The following CFAP299 variants were observed in gnomAD, a reference collection of about 807,000 sequenced individuals.
CFAP299 encodes the protein cilia- and flagella-associated protein 299.
In CFAP299, 21 loss-of-function variants were observed where a neutral mutation model predicts 27.0. The ratio of observed to expected loss-of-function variants is 0.78; its 90% CI spans 0.55 to 1.12. The LOEUF is 1.12. Among genes scored for constraint, CFAP299 ranks in the 50% most tolerant of loss-of-function variants. The pLI is 0.00. For missense variants in CFAP299, 310 were observed against 276.6 expected (o/e 1.12, Z -0.86); for synonymous variants, 104 against 98.1 (o/e 1.06, Z -0.36).
chr4:80,721,061 T>G (rs137862018), intron 3 of CFAP299, among the ~76,000 whole-genome samples: 4 of 152,052 alleles, frequency 2.6e-5, no homozygotes, highest in African/African-American at 9.7e-5. Context: ...CTTCAAAAAT[T>G]AAACACAGAA....
intron 3 of CFAP299, among the ~76,000 whole-genome samples, chr4:80,640,673 T>C (rs1739680688): frequency 6.6e-6 from 1 of 152,216 alleles, no homozygotes; most frequent in Admixed American, 6.5e-5. Context: ...AGGTATTACC[T>C]ATCATATTCA....
intron 3 of CFAP299, among the ~76,000 whole-genome samples, chr4:80,817,592 A>G (rs1227510122): frequency 6.6e-6 from 1 of 152,074 alleles, no homozygotes; most frequent in Non-Finnish European, 1.5e-5. Context: ...AATTTGTTTA[A>G]TTCCATTAGA....
intron 4 of CFAP299, among the ~76,000 whole-genome samples, chr4:80,929,719 A>T (rs978011859): frequency 6.6e-6 from 1 of 152,150 alleles, no homozygotes; most frequent in Admixed American, 6.6e-5. Context: ...ACCCATTGCC[A>T]GGATGGACCA....
upstream of CFAP299, among the ~76,000 whole-genome samples, chr4:80,332,091 A>G (rs1225263236): frequency 6.6e-6 from 1 of 152,252 alleles, no homozygotes; most frequent in East Asian, 1.9e-4. Flanking sequence ...GAGTGGTCAC[A>G]GGGTCAAATG....
chr4:80,352,798 A>G (rs1046458797), intron 1 of CFAP299, among the ~76,000 whole-genome samples: 1 of 152,144 alleles, frequency 6.6e-6, no homozygotes, highest in Non-Finnish European at 1.5e-5. Context: ...GATAATAAAC[A>G]ACATAGTTCT....
At chr4:80,417,505 G>A (rs111644070) in intron 2 of CFAP299, among the ~76,000 whole-genome samples, 1 of 152,110 alleles carries the variant, frequency 6.6e-6, no homozygotes, top group Non-Finnish European at 1.5e-5. Flanking sequence ...TAGGAGTCCT[G>A]AGCGTGGTAT....
intron 3 of CFAP299, among the ~76,000 whole-genome samples, chr4:80,585,073 T>C (rs990392772): frequency 1.3e-5 from 2 of 151,992 alleles, no homozygotes; most frequent in African/African-American, 4.8e-5. Flanking sequence ...GAATAAATTA[T>C]AGAAAGGATA....
intron 3 of CFAP299, among the ~76,000 whole-genome samples, chr4:80,649,473 GGAT>G (rs1740184220): frequency 6.6e-6 from 1 of 151,968 alleles, no homozygotes; most frequent in African/African-American, 2.4e-5. Flanking sequence ...AATACTGAAA[GGAT>G]GCAATGCAAA....
chr4:80,662,008 C>T (rs1254401721), intron 3 of CFAP299, among the ~76,000 whole-genome samples: 1 of 152,170 alleles, frequency 6.6e-6, no homozygotes, highest in Non-Finnish European at 1.5e-5. Flanking sequence ...TTTGGTCAGA[C>T]TGGTTGTCTG....
intron 3 of CFAP299, among the ~76,000 whole-genome samples, chr4:80,615,895 C>T (rs1738246615): frequency 6.6e-6 from 1 of 152,126 alleles, no homozygotes; most frequent in Non-Finnish European, 1.5e-5. Context: ...CTCAATACCT[C>T]CTTCAAAGTA....
At chr4:80,632,047 C>T (rs1739241091) in intron 3 of CFAP299, among the ~76,000 whole-genome samples, 1 of 151,914 alleles carries the variant, frequency 6.6e-6, no homozygotes, top group South Asian at 2.1e-4. Flanking sequence ...AGAAGAAGAG[C>T]CTCTCTAGAA....
chr4:80,804,108 C>A (rs1051528758), intron 3 of CFAP299, among the ~76,000 whole-genome samples: 3 of 152,122 alleles, frequency 2.0e-5, no homozygotes, highest in African/African-American at 7.2e-5. Flanking sequence ...CCTCAAGGCT[C>A]CATCTCTTAA....
intron 3 of CFAP299, among the ~76,000 whole-genome samples, chr4:80,725,297 T>C (rs114906537): frequency 0.02 from 3,109 of 151,802 alleles, 79 homozygotes; most frequent in South Asian, 0.061. Context: ...TTTTAATACT[T>C]TGAGGATATT....
chr4:80,418,756 C>T (rs1039050), intron 2 of CFAP299, among the ~76,000 whole-genome samples: 143,314 of 152,274 alleles, frequency 0.94, 67,942 homozygotes, highest in East Asian at 1. Context: ...TTTGTCCGTA[C>T]GTATTGGGCT....
At chr4:80,921,897 G>A (rs1736064696) in intron 4 of CFAP299, among the ~76,000 whole-genome samples, 1 of 149,818 alleles carries the variant, frequency 6.7e-6, no homozygotes, top group Non-Finnish European at 1.5e-5. Flanking sequence ...TATGATGAGA[G>A]GAAAGAGTCA....
At chr4:80,414,060 A>ATTTTT (rs1726868053) in intron 2 of CFAP299, among the ~76,000 whole-genome samples, 4 of 97,596 alleles carry the variant, frequency 4.1e-5, no homozygotes, top group Non-Finnish European at 6.0e-5. Flanking sequence ...ACAAATGGGT[A>ATTTTT]TTTCTTTTTT....
At chr4:80,683,551 A>T (rs187642816) in intron 3 of CFAP299, among the ~76,000 whole-genome samples, 108 of 152,326 alleles carry the variant, frequency 7.1e-4, no homozygotes, top group Non-Finnish European at 1.3e-3. Flanking sequence ...GACAAATTTA[A>T]TAAAATATCT....
intron 2 of CFAP299, among the ~76,000 whole-genome samples, chr4:80,425,390 C>A (rs1184168525): frequency 6.6e-6 from 1 of 152,126 alleles, no homozygotes; most frequent in African/African-American, 2.4e-5. Flanking sequence ...GGGAAGGATA[C>A]AAATTATTTT....
In CFAP299 at chr4:80,421,996, A is replaced by G. The variant is rs115381409; in HGVS notation, c.242+59112A>G. Among the ~76,000 whole-genome samples the G allele has an allele frequency of 3.4e-3, 525 of 152,300 alleles. 2 individuals are homozygous for G. Among genetic ancestry groups the G allele is most frequent in the African/African-American group, 0.012 (491 of 41,574 alleles). On this transcript the variant is annotated intron_variant, in intron 2 of 5. Coordinates refer to ENST00000358105, the MANE Select transcript of CFAP299 (RefSeq NM_152770.3). Reference sequence around the variant, plus strand: ...AGTAAGACAAATGAATGTCAAGGGTAGTTTTGTTTTTTATTTTCCCACCAT... The same window carrying G: ...AGTAAGACAAATGAATGTCAAGGGTGGTTTTGTTTTTTATTTTCCCACCAT...
Sources: allele counts gnomAD v4.1 joint callset (sites outside exome capture counted in the v4.1 genomes callset), GRCh38; gene constraint gnomAD v4.1.1; transcripts MANE v1.5; gene names NCBI Gene and HGNC (gene_info 2026-07-23, HGNC 2026-07-21).